CD86: variants seen among roughly 807,000 people sequenced by gnomAD.
The protein encoded by CD86 is CD86 molecule.
In CD86, 11 loss-of-function variants were observed where a neutral mutation model predicts 32.1. That is an observed-to-expected ratio of 0.34 (90% CI 0.22 to 0.57). CD86 has a LOEUF of 0.57. CD86 is among the 20% of genes least tolerant of loss of function. The pLI is 0.86. For missense variants in CD86, 359 were observed against 398.4 expected (o/e 0.90, Z 0.84); for synonymous variants, 137 against 135.3 (o/e 1.01, Z -0.09).
intron 2 of CD86, among the ~76,000 whole-genome samples, chr3:122,097,481 G>A (rs1481835071): frequency 6.6e-6 from 1 of 152,196 alleles, no homozygotes; most frequent in African/African-American, 2.4e-5. Flanking sequence ...GGCTAAAATG[G>A]GAGGAAGGGC....
intron 1 of CD86, among the ~76,000 whole-genome samples, chr3:122,056,391 G>A (rs2072236845): frequency 6.6e-6 from 1 of 152,260 alleles, no homozygotes; most frequent in South Asian, 2.1e-4. Context: ...CTGGAGTGCA[G>A]TGGCGCAATC....
chr3:122,085,526 C>T (rs1447095915), intron 1 of CD86, among the ~76,000 whole-genome samples: 1 of 152,176 alleles, frequency 6.6e-6, no homozygotes, highest in Non-Finnish European at 1.5e-5. Context: ...GCTTCAGGTG[C>T]ACACTACTGT....
At chr3:122,059,391 G>A (rs1172886753) in intron 1 of CD86, among the ~76,000 whole-genome samples, 1 of 152,024 alleles carries the variant, frequency 6.6e-6, no homozygotes, top group Non-Finnish European at 1.5e-5. Flanking sequence ...GAAAAGTGGT[G>A]TCATAGAAAT....
At chr3:122,062,787 T>C (rs2072357394) in intron 1 of CD86, among the ~76,000 whole-genome samples, 1 of 152,216 alleles carries the variant, frequency 6.6e-6, no homozygotes, top group Admixed American at 6.5e-5. Flanking sequence ...CCATGAGGAA[T>C]ATAACAATTT....
chr3:122,099,829 A>AATATGCTGGTGC (rs2072968961), intron 2 of CD86, among the ~76,000 whole-genome samples: 2 of 152,210 alleles, frequency 1.3e-5, no homozygotes, highest in African/African-American at 4.8e-5. Flanking sequence ...GCTGGTGGCT[A>AATATGCTGGTGC]TCATATTGTT....
At chr3:122,066,858 T>A (rs1314176276) in intron 1 of CD86, among the ~76,000 whole-genome samples, 1 of 152,008 alleles carries the variant, frequency 6.6e-6, no homozygotes, top group Non-Finnish European at 1.5e-5. Flanking sequence ...AGGAAACTGT[T>A]ATAATGGAAA....
At chr3:122,061,685 A>T (rs915617949) in intron 1 of CD86, among the ~76,000 whole-genome samples, 1 of 152,246 alleles carries the variant, frequency 6.6e-6, no homozygotes, top group Non-Finnish European at 1.5e-5. Context: ...AAAGATAATG[A>T]CAACACCAAA....
At chr3:122,068,879 T>C (rs754264166) in intron 1 of CD86, among the ~76,000 whole-genome samples, 3 of 152,194 alleles carry the variant, frequency 2.0e-5, no homozygotes, top group Non-Finnish European at 2.9e-5. Flanking sequence ...CAGGAAGTCC[T>C]CTCTACAGTG....
In CD86 at chr3:122,057,663, T is replaced by C. The variant is rs1375317093; in HGVS notation, c.14+2160T>C. ...TTTCAGAGAAGTAACCATCTAGTGA[T>C]GTGTGATAATTTATAAGTTGTGAGA... is the stretch of plus-strand genomic sequence containing the variant. On this transcript the variant is annotated intron_variant, in intron 1 of 6. Coordinates refer to ENST00000330540, the MANE Select transcript of CD86 (RefSeq NM_175862.5). Among the ~76,000 whole-genome samples, 3 of 152,366 alleles carry C rather than the reference T, an allele frequency of 2.0e-5. No individual in the cohort carries two copies. In the East Asian group the frequency reaches 5.8e-4, roughly 29 times the overall value.
At chr3:122,073,764 T>G (rs1161706626) in intron 1 of CD86, among the ~76,000 whole-genome samples, 1 of 152,150 alleles carries the variant, frequency 6.6e-6, no homozygotes, top group East Asian at 1.9e-4. Flanking sequence ...ATTCAGGAAC[T>G]GTGTTTACGG....
At chr3:122,101,917 C>A (rs886499918) in intron 2 of CD86, among the ~76,000 whole-genome samples, 1 of 152,074 alleles carries the variant, frequency 6.6e-6, no homozygotes, top group Non-Finnish European at 1.5e-5. Context: ...AATACCGGTA[C>A]GCATCCTCTA....
At chr3:122,109,535 G>T (rs1186367479) in intron 5 of CD86, 127 bp downstream of exon 5, 1 of 1,097,716 alleles carries the variant, frequency 9.1e-7, no homozygotes, top group African/African-American at 1.6e-5. Flanking sequence ...TGGGAAAAAA[G>T]GTTTTCCCTT....
intron 1 of CD86, among the ~76,000 whole-genome samples, chr3:122,090,980 T>G (rs1231309039): frequency 1.3e-5 from 2 of 152,198 alleles, no homozygotes; most frequent in African/African-American, 4.8e-5. Flanking sequence ...CAGGTGATTT[T>G]TACTCACATT....
At chr3:122,082,450 C>T (rs1203582166) in intron 1 of CD86, among the ~76,000 whole-genome samples, 1 of 152,172 alleles carries the variant, frequency 6.6e-6, no homozygotes, top group African/African-American at 2.4e-5. Flanking sequence ...ACTAGTGAAC[C>T]TTGCTGCCCT....
chr3:122,106,311 T>C lies in CD86; in HGVS notation c.514T>C (p.Leu172=), dbSNP rs758259760. 1 of 1,614,012 alleles carries C rather than the reference T, an allele frequency of 6.2e-7. No individual in the cohort carries two copies. Among genetic ancestry groups the C allele is most frequent in the East Asian group, 2.2e-5 (1 of 44,886 alleles). ...CCCAGAACCTAAGAAGATGAGTGTT[T>C]TGCTAAGAACCAAGAATTCAACTAT... is the stretch of plus-strand genomic sequence containing the variant. ...GYPEPKKMSV[L]LRTKNSTIEY... is the part of the protein sequence containing the mutation. Residue 172 remains leucine (L), a synonymous_variant, in exon 4 of 7, where the codon TTG becomes CTG. Transcript: ENST00000330540.
chr3:122,089,683 G>A (rs150807860), intron 1 of CD86, among the ~76,000 whole-genome samples: 1 of 152,320 alleles, frequency 6.6e-6, no homozygotes, highest in Non-Finnish European at 1.5e-5. Flanking sequence ...TTGGTCAAAC[G>A]ATTCTGCTTC....
intron 1 of CD86, among the ~76,000 whole-genome samples, chr3:122,069,254 A>G (rs2072456065): frequency 6.6e-6 from 1 of 151,894 alleles, no homozygotes; most frequent in Admixed American, 6.6e-5. Context: ...AGAGCTAGTT[A>G]AGCATTTGTT....
chr3:122,107,227 G>T (rs747366739), intron 4 of CD86, among the ~76,000 whole-genome samples: 1 of 152,170 alleles, frequency 6.6e-6, no homozygotes, highest in Non-Finnish European at 1.5e-5. Flanking sequence ...TAATAAATGT[G>T]GTGAGGAGGG....
intron 4 of CD86, among the ~76,000 whole-genome samples, chr3:122,107,698 A>T (rs1396076306): frequency 6.6e-6 from 1 of 152,056 alleles, no homozygotes; most frequent in African/African-American, 2.4e-5. Context: ...CCCTCCAGTG[A>T]CATCCATCCA....
Sources: gnomAD v4.1 joint callset for allele counts (sites outside exome capture counted in the v4.1 genomes callset) on GRCh38, gnomAD v4.1.1 for gene constraint, MANE v1.5 for transcripts, NCBI Gene and HGNC (gene_info 2026-07-23, HGNC 2026-07-21) for gene names.